SGK3: variants seen among roughly 807,000 people sequenced by gnomAD.
SGK3 encodes the protein serine/threonine-protein kinase Sgk3.
In SGK3, 47 loss-of-function variants were observed where a neutral mutation model predicts 68.5. That is an observed-to-expected ratio of 0.69 (90% CI 0.54 to 0.87). SGK3 has a LOEUF of 0.87. Ranked by LOEUF, SGK3 falls within the 40% of genes least tolerant of loss-of-function variation. The pLI is 0.00. For missense variants in SGK3, 479 were observed against 575.5 expected (o/e 0.83, Z 1.72); for synonymous variants, 181 against 189.1 (o/e 0.96, Z 0.35).
At chr8:66,737,673 T>C (rs1184274116) in intron 1 of SGK3, 1 of 150,086 alleles carries the variant, frequency 6.7e-6, no homozygotes, top group Non-Finnish European at 1.5e-5. Flanking sequence ...TGGAGTGAAG[T>C]GGCATGATCT....
chr8:66,847,453 A>G, intron 15 of SGK3, 105 bp downstream of exon 15: 1 of 1,470,782 alleles, frequency 6.8e-7, no homozygotes, highest in Non-Finnish European at 9.1e-7. Context: ...CAATATGCGG[A>G]GAATAGCAAC....
intron 2 of SGK3, among the ~76,000 whole-genome samples, chr8:66,794,638 C>CTTAG (rs1371562736): frequency 2.0e-5 from 3 of 152,130 alleles, no homozygotes; most frequent in Non-Finnish European, 4.4e-5. Flanking sequence ...GGATAAAATG[C>CTTAG]TTAGCCTCTC....
chr8:66,834,419 T>G (rs936908671), intron 8 of SGK3, among the ~76,000 whole-genome samples: 1 of 152,066 alleles, frequency 6.6e-6, no homozygotes, highest in Non-Finnish European at 1.5e-5. Context: ...GAAGGGTGAG[T>G]CATGACTGGG....
chr8:66,846,602 C>T (rs988410000), intron 14 of SGK3, among the ~76,000 whole-genome samples: 3 of 152,192 alleles, frequency 2.0e-5, no homozygotes. Flanking sequence ...GCGTGAGCCA[C>T]CACGCCTGGT....
intron 1 of SGK3, among the ~76,000 whole-genome samples, chr8:66,731,425 A>G (rs1295033019): frequency 6.6e-6 from 1 of 152,226 alleles, no homozygotes; most frequent in African/African-American, 2.4e-5. Context: ...ACCAAGATAA[A>G]AGGCTCAAAT....
intron 1 of SGK3, among the ~76,000 whole-genome samples, chr8:66,724,936 A>T (rs1033034588): frequency 2.0e-5 from 3 of 152,108 alleles, no homozygotes; most frequent in African/African-American, 7.2e-5. Context: ...TACTAAAAAT[A>T]CAAAAATTGG....
intron 1 of SGK3, among the ~76,000 whole-genome samples, chr8:66,773,822 AC>A (rs1806595004): frequency 1.3e-5 from 2 of 152,156 alleles, no homozygotes; most frequent in African/African-American, 4.8e-5. Flanking sequence ...AGAACAGCAC[AC>A]CATTTAAAAC....
chr8:66,742,052 G>A (rs960781801), intron 1 of SGK3, among the ~76,000 whole-genome samples: 1 of 152,160 alleles, frequency 6.6e-6, no homozygotes, highest in African/African-American at 2.4e-5. Flanking sequence ...CAAGTCAAAG[G>A]AACATCAAGT....
At chr8:66,843,685 C>A (rs7008720) in intron 14 of SGK3, 138 bp downstream of exon 14, 837,924 of 837,928 alleles carry the variant, frequency 1, 418,960 homozygotes, top group Middle Eastern at 1. Context: ...TGAACCCAAA[C>A]CCACATTAGG....
At chr8:66,723,628 A>G (rs1804889898) in intron 1 of SGK3, among the ~76,000 whole-genome samples, 1 of 152,114 alleles carries the variant, frequency 6.6e-6, no homozygotes, top group Non-Finnish European at 1.5e-5. Context: ...TATTTTTTGT[A>G]GAGATGGGAT....
At position 66,850,827 on chromosome 8, in the gene SGK3, C is replaced by A; in HGVS notation, c.1231-4C>A. The A allele has an allele frequency of 6.3e-7, 1 of 1,594,200 alleles. No homozygotes were observed. The highest frequency in any genetic ancestry group is 8.6e-7 in the Non-Finnish European group (1 of 1,169,380). On this transcript the variant is annotated splice_polypyrimidine_tract_variant and splice_region_variant and intron_variant, in intron 15 of 16. Coordinates refer to ENST00000521198, the MANE Select transcript of SGK3 (RefSeq NM_001033578.3). ...AGTAAAACAAATTTTTTTTAATATT[C>A]CAGCTTGAAATTCAGAATCATCCTT...
At chr8:66,850,166 G>T (rs1227042649) in intron 15 of SGK3, among the ~76,000 whole-genome samples, 1 of 152,152 alleles carries the variant, frequency 6.6e-6, no homozygotes, top group Non-Finnish European at 1.5e-5. Context: ...TCTGGAACAT[G>T]CTCTCCCCAT....
At position 66,796,225 on chromosome 8, in the gene SGK3, C is replaced by T. The variant is rs1417733372; in HGVS notation, c.97-2317C>T. Among the ~76,000 whole-genome samples, 3 of 151,832 alleles carry T rather than the reference C, an allele frequency of 2.0e-5. No individual in the cohort carries two copies. The East Asian group carries it at 5.8e-4, about 29-fold the overall frequency. ...AGTCTTGGCTCACTGCAACCTCCAC[C>T]TCCTGGGTTCAGGCTATTGTCCTGC... On this transcript the variant is annotated intron_variant, in intron 2 of 16. Coordinates refer to ENST00000521198, the MANE Select transcript of SGK3 (RefSeq NM_001033578.3).
At chr8:66,777,300 G>T (rs1806751289) in intron 1 of SGK3, among the ~76,000 whole-genome samples, 2 of 152,310 alleles carry the variant, frequency 1.3e-5, no homozygotes, top group Admixed American at 6.5e-5. Context: ...TGACATGAGA[G>T]CGTAAGTTCC....
At chr8:66,786,311 C>T (rs1197977743) in intron 1 of SGK3, among the ~76,000 whole-genome samples, 1 of 152,182 alleles carries the variant, frequency 6.6e-6, no homozygotes. Context: ...AGTCAGACCA[C>T]CTGGGTTCAA....
rs189436155 is a variant in SGK3 at position 66,723,300 on chromosome 8, C to T, written c.-122+10467C>T. ...TACTAAAAATACAAAAAAATTTAGC[C>T]AGGCATGGTGGCTCATGCCTGTAAT... On this transcript the variant is annotated intron_variant, in intron 1 of 16. Coordinates refer to ENST00000521198, the MANE Select transcript of SGK3 (RefSeq NM_001033578.3). Among the ~76,000 whole-genome samples, 229 of 150,330 alleles carry T rather than the reference C, an allele frequency of 1.5e-3. 5 individuals are homozygous for T. The highest frequency in any genetic ancestry group is 0.014 in the Admixed American group (214 of 15,024).
At chr8:66,815,781 G>T (rs1808550644) in intron 5 of SGK3, among the ~76,000 whole-genome samples, 1 of 152,086 alleles carries the variant, frequency 6.6e-6, no homozygotes, top group African/African-American at 2.4e-5. Context: ...GGATCTTGAT[G>T]TGCAGTATTA....
intron 2 of SGK3, among the ~76,000 whole-genome samples, chr8:66,794,892 C>T (rs1322022425): frequency 6.6e-6 from 1 of 152,204 alleles, no homozygotes; most frequent in Non-Finnish European, 1.5e-5. Flanking sequence ...TTGCTGGCAT[C>T]CATTGCTGAC....
chr8:66,845,225 C>T (rs1438560231), intron 14 of SGK3, among the ~76,000 whole-genome samples: 2 of 152,050 alleles, frequency 1.3e-5, no homozygotes, highest in Non-Finnish European at 2.9e-5. Flanking sequence ...ATGGCAAAAC[C>T]TCGTCTCTAC....
Sources: allele counts gnomAD v4.1 joint callset (sites outside exome capture counted in the v4.1 genomes callset), GRCh38; gene constraint gnomAD v4.1.1; transcripts MANE v1.5; gene names NCBI Gene and HGNC (gene_info 2026-07-23, HGNC 2026-07-21).